ODAD2: variants seen among roughly 807,000 people sequenced by gnomAD.
The protein encoded by ODAD2 is outer dynein arm docking complex subunit 2, also known as outer dynein arm-docking complex subunit 2.
ODAD2 carries 89 observed loss-of-function variants against 106.8 expected under a neutral mutation model. The observed-to-expected ratio is 0.83, with a 90% confidence interval of 0.70 to 0.99. The LOEUF (loss-of-function observed/expected upper bound fraction) is 0.99. ODAD2 is among the 50% of genes least tolerant of loss of function. The probability of loss-of-function intolerance (pLI) is 0.00; values close to 1 mark genes in which losing one functional copy is unlikely to be tolerated. For missense variants in ODAD2, 1,168 were observed against 1,238.5 expected, an observed-to-expected ratio of 0.94 and a Z score of 0.85; for synonymous variants, 404 against 436.2, an observed-to-expected ratio of 0.93 and a Z score of 0.92.
chr10:27,940,881 G>A lies in ODAD2; in HGVS notation c.1744-76C>T, dbSNP rs560091396. The A allele has an allele frequency of 1.0e-5, 15 of 1,448,694 alleles. No individual in the cohort carries two copies. The Admixed American group carries it at 1.3e-4, about 13-fold the overall frequency. The allele number at this position is 1,448,694 out of a possible 1,614,324, so 89.7% of individuals were successfully genotyped here. On this transcript the variant is annotated intron_variant, in intron 12 of 19. Transcript: ENST00000305242. Reference sequence around the variant, plus strand: ...TAAGGCATTCTTCAATAGCTACAGTGTTCCTTACCAAGCTCACCTCCGTCA... The same window carrying A: ...TAAGGCATTCTTCAATAGCTACAGTATTCCTTACCAAGCTCACCTCCGTCA...
chr10:27,954,361 A>G (rs1165189196), intron 10 of ODAD2, among the ~76,000 whole-genome samples: 3 of 152,246 alleles, frequency 2.0e-5, no homozygotes, highest in Non-Finnish European at 1.5e-5. Flanking sequence ...CCCCGAAAAG[A>G]TCTACTACAT....
chr10:27,970,628 T>C (rs1848782964), intron 8 of ODAD2, among the ~76,000 whole-genome samples: 1 of 152,068 alleles, frequency 6.6e-6, no homozygotes, highest in Non-Finnish European at 1.5e-5. Flanking sequence ...ACCTGCGCCT[T>C]GGAGGGACAT....
chr10:27,999,462 T>C (rs945371967), upstream of ODAD2, among the ~76,000 whole-genome samples: 1 of 152,124 alleles, frequency 6.6e-6, no homozygotes, highest in Non-Finnish European at 1.5e-5. Context: ...AAAACAAATA[T>C]GGTAGAATAC....
chr10:27,966,526 C>T (rs184308449), intron 9 of ODAD2, among the ~76,000 whole-genome samples: 25 of 152,164 alleles, frequency 1.6e-4, no homozygotes, highest in Middle Eastern at 6.8e-3. Context: ...AATGCTTTTC[C>T]TATTTGATAT....
At position 27,924,020 on chromosome 10, in the gene ODAD2, AAGAAGGAAAG is replaced by A. The variant is rs1845036692; in HGVS notation, c.2495+10980_2495+10989del. 9.3e-4 allele frequency among the ~76,000 whole-genome samples: 115 copies of A among 123,682 alleles called. 1 individual carries two copies. The highest frequency in any genetic ancestry group is 4.2e-3 in the Middle Eastern group (1 of 238). The allele number at this position is 123,682 out of a possible 152,430, so 81.1% of individuals were successfully genotyped here. A position where few individuals can be genotyped will look rare whatever the true frequency, so the allele number is the denominator to read the frequency against. The stretch of plus-strand genomic sequence containing the variant: ...AAAGAAAGAAAGAAAGAAAGAAAGA[AAGAAGGAAAG>A]AGAAAGAAAGAAGGAAAGAGAAAGA... On this transcript the variant is annotated intron_variant, in intron 16 of 19. Coordinates refer to ENST00000305242, the MANE Select transcript of ODAD2 (RefSeq NM_018076.5).
At chr10:27,905,926 G>A (rs538139187) in intron 17 of ODAD2, among the ~76,000 whole-genome samples, 5 of 152,124 alleles carry the variant, frequency 3.3e-5, no homozygotes, top group South Asian at 2.1e-4. Context: ...GGAAGAAAAC[G>A]TAGGCAATAC....
chr10:27,889,355 A>G (rs1842421531), intron 17 of ODAD2, among the ~76,000 whole-genome samples: 1 of 152,212 alleles, frequency 6.6e-6, no homozygotes, highest in East Asian at 1.9e-4. Flanking sequence ...CTGAAAGAAG[A>G]TGAAAGAAGA....
At position 27,885,785 on chromosome 10, in the gene ODAD2, T is replaced by TAA. The variant is rs1220116080; in HGVS notation, c.2610+21877_2610+21878insTT. ...TTATATATATTATATAAAATATATA[T>TAA]TATATATAATATATATAAAATATAT... On this transcript the variant is annotated intron_variant, in intron 17 of 19. Transcript: ENST00000305242. 1.1e-4 allele frequency among the ~76,000 whole-genome samples: 3 copies of TAA among 27,226 alleles called. 1 individual carries two copies. Among genetic ancestry groups the TAA allele is most frequent in the African/African-American group, 3.9e-4 (3 of 7,726 alleles). 17.9% of individuals were successfully genotyped at this position (27,226 alleles called of 152,430 possible).
intron 8 of ODAD2, among the ~76,000 whole-genome samples, chr10:27,970,106 A>AAATC (rs1252597323): frequency 2.7e-4 from 29 of 106,916 alleles, no homozygotes; most frequent in African/African-American, 1.4e-3. Flanking sequence ...CTCAAAAAAT[A>AAATC]AATAAATAAA....
chr10:27,879,389 G>A (rs937409833), intron 17 of ODAD2, among the ~76,000 whole-genome samples: 23 of 151,828 alleles, frequency 1.5e-4, no homozygotes, highest in African/African-American at 4.6e-4. Context: ...TATTTATAAA[G>A]CTATGTGTGT....
chr10:27,920,429 C>T (rs1265134421), intron 16 of ODAD2, among the ~76,000 whole-genome samples: 1 of 152,094 alleles, frequency 6.6e-6, no homozygotes, highest in Non-Finnish European at 1.5e-5. Context: ...AATATGCGTG[C>T]ATATCACAAC....
intron 16 of ODAD2, among the ~76,000 whole-genome samples, chr10:27,908,360 G>C (rs7907500): frequency 0.54 from 81,511 of 151,834 alleles, 22,036 homozygotes; most frequent in Middle Eastern, 0.63. Flanking sequence ...ATTACTTAAA[G>C]ACACTGTAAT....
At chr10:27,860,068 A>T (rs1839931365) in intron 19 of ODAD2, among the ~76,000 whole-genome samples, 1 of 152,188 alleles carries the variant, frequency 6.6e-6, no homozygotes, top group East Asian at 1.9e-4. Flanking sequence ...TCAAAAATCA[A>T]ATTATGGAAT....
At chr10:27,895,005 G>C (rs1842773582) in intron 17 of ODAD2, among the ~76,000 whole-genome samples, 1 of 142,148 alleles carries the variant, frequency 7.0e-6, no homozygotes. Flanking sequence ...AAGACATACA[G>C]AGAGAATTAG....
intron 17 of ODAD2, among the ~76,000 whole-genome samples, chr10:27,894,132 C>A (rs1842723227): frequency 6.6e-6 from 1 of 151,920 alleles, no homozygotes; most frequent in Non-Finnish European, 1.5e-5. Flanking sequence ...AAGAGTGAGA[C>A]ACCATCTCTA....
intron 2 of ODAD2, among the ~76,000 whole-genome samples, chr10:27,994,282 C>A (rs1196845408): frequency 6.6e-6 from 1 of 151,954 alleles, no homozygotes; most frequent in Admixed American, 6.6e-5. Flanking sequence ...TCATTCATCA[C>A]CCCTCCCCGC....
intron 17 of ODAD2, among the ~76,000 whole-genome samples, chr10:27,879,036 C>T (rs972649721): frequency 1.3e-5 from 2 of 152,022 alleles, no homozygotes; most frequent in African/African-American, 2.4e-5. Flanking sequence ...CAAAAAAATG[C>T]ATTACGTGTT....
intron 7 of ODAD2, among the ~76,000 whole-genome samples, chr10:27,981,182 AT>A (rs1246628164): frequency 6.6e-6 from 1 of 152,186 alleles, no homozygotes; most frequent in Non-Finnish European, 1.5e-5. Flanking sequence ...GGAATGGGGA[AT>A]TATTGCTTAA....
intron 16 of ODAD2, among the ~76,000 whole-genome samples, chr10:27,928,351 T>A (rs1469992835): frequency 6.6e-6 from 1 of 152,160 alleles, no homozygotes; most frequent in Non-Finnish European, 1.5e-5. Flanking sequence ...ATTTAACCTA[T>A]CGATTTCTCT....
Sources: gnomAD v4.1 joint callset for allele counts (sites outside exome capture counted in the v4.1 genomes callset) on GRCh38, gnomAD v4.1.1 for gene constraint, MANE v1.5 for transcripts, NCBI Gene and HGNC (gene_info 2026-07-23, HGNC 2026-07-21) for gene names.